Variants in NFIA observed in about 807,000 individuals in gnomAD.
The protein encoded by NFIA is nuclear factor 1 A-type.
A neutral mutation model predicts 62.8 loss-of-function variants in NFIA; 8 were observed. The ratio of observed to expected loss-of-function variants is 0.13; its 90% confidence interval spans 0.07 to 0.23. The LOEUF is 0.23. NFIA is among the 10% of genes least tolerant of loss of function. NFIA has a pLI of 1.00. For synonymous variants in NFIA, 235 were observed against 238.1 expected (o/e 0.99, Z 0.12); for missense variants, 410 against 642.1 (o/e 0.64, Z 3.91).
intron 2 of NFIA, among the ~76,000 whole-genome samples, chr1:61,107,918 C>T (rs986785516): frequency 4.0e-5 from 6 of 151,442 alleles, no homozygotes; most frequent in Non-Finnish European, 7.4e-5. Flanking sequence ...TTTCTCTATT[C>T]CCCAAATAAT....
Position 61,461,228 on chromosome 1 carries a change from G to A in NFIA, c.*5908G>A, listed in dbSNP as rs1668517642. On this transcript the variant is annotated 3_prime_UTR_variant, in exon 11 of 11. Coordinates refer to ENST00000403491, the MANE Select transcript of NFIA (RefSeq NM_001134673.4). The stretch of plus-strand genomic sequence containing the variant: ...CATTTTCTTAATGGACAATGTTCAA[G>A]CCAGGTACCCATGCTTGATCTGTCT... The A allele has an allele frequency of 6.6e-6, 1 of 152,040 alleles. No homozygotes were observed. Among genetic ancestry groups the A allele is most frequent in the African/African-American group, 2.4e-5 (1 of 41,374 alleles). 9.4% of individuals were successfully genotyped at this position (152,040 alleles called of 1,614,324 possible). A position where few individuals can be genotyped will look rare whatever the true frequency, so the allele number is the denominator to read the frequency against.
chr1:61,428,421 C>T (rs568267170), intron 10 of NFIA, among the ~76,000 whole-genome samples: 14 of 137,102 alleles, frequency 1.0e-4, no homozygotes, highest in East Asian at 4.2e-4. Context: ...AAATATTTGG[C>T]GTCATGGGGA....
intron 10 of NFIA, among the ~76,000 whole-genome samples, chr1:61,432,642 CACATATATAT>C (rs1331706317): frequency 6.6e-6 from 1 of 151,166 alleles, no homozygotes; most frequent in Non-Finnish European, 1.5e-5. Context: ...CATATATATA[CACATATATAT>C]ACATATATAT....
rs528790604 is a variant in NFIA, at chr1:61,109,411, A to AATC, written c.559+20734_559+20736dup. 3.2e-4 allele frequency among the ~76,000 whole-genome samples: 49 copies of AATC among 152,046 alleles called. 1 individual carries two copies. The South Asian group carries it at 9.9e-3, about 31-fold the overall frequency. On this transcript the variant is annotated intron_variant, in intron 2 of 10. Coordinates refer to ENST00000403491, the MANE Select transcript of NFIA (RefSeq NM_001134673.4). ...AAGATTCAGAGATACCACAATAATCAATCATAGGAACTTGTCTCAGAGTGC... is the reference window on the plus strand; with the variant it reads ...AAGATTCAGAGATACCACAATAATCAATCATCATAGGAACTTGTCTCAGAGTGC...
chr1:61,298,690 A>G (rs1047131236), intron 3 of NFIA, among the ~76,000 whole-genome samples: 9 of 152,138 alleles, frequency 5.9e-5, no homozygotes, highest in Non-Finnish European at 8.8e-5. Context: ...TAATAATACT[A>G]CCTACCTCAT....
chr1:61,140,078 C>T (rs2100504087), intron 2 of NFIA, among the ~76,000 whole-genome samples: 1 of 152,224 alleles, frequency 6.6e-6, no homozygotes, highest in East Asian at 1.9e-4. Context: ...CATGAGACCA[C>T]TCACCCCCTA....
intron 2 of NFIA, among the ~76,000 whole-genome samples, chr1:61,091,514 C>A (rs749429800): frequency 2.0e-5 from 3 of 152,106 alleles, no homozygotes; most frequent in Non-Finnish European, 2.9e-5. Flanking sequence ...TTTCATAAGC[C>A]TGAGAATTTC....
At chr1:61,278,409 GTTC>G (rs774060683) in intron 3 of NFIA, among the ~76,000 whole-genome samples, 23 of 152,106 alleles carry the variant, frequency 1.5e-4, no homozygotes, top group Non-Finnish European at 2.4e-4. Flanking sequence ...ATTCCAAAAT[GTTC>G]TTCTTTGCTG....
intron 6 of NFIA, among the ~76,000 whole-genome samples, chr1:61,380,320 G>A (rs747641430): frequency 3.9e-5 from 6 of 152,200 alleles, no homozygotes; most frequent in African/African-American, 4.8e-5. Flanking sequence ...TACTTCATCC[G>A]TAGTCTTTTT....
At chr1:61,318,621 G>A (rs2782544) in intron 3 of NFIA, among the ~76,000 whole-genome samples, 132,718 of 152,222 alleles carry the variant, frequency 0.87, 57,958 homozygotes, top group East Asian at 0.94. Context: ...ATTCCTTAAT[G>A]CTTTGTTTAT....
chr1:61,391,570 A>C (rs2100500074), intron 7 of NFIA, among the ~76,000 whole-genome samples: 1 of 152,208 alleles, frequency 6.6e-6, no homozygotes, highest in Admixed American at 6.5e-5. Context: ...GTTTTAATTA[A>C]GATCTACCTT....
chr1:61,269,948 GAC>G (rs899923189), intron 2 of NFIA, among the ~76,000 whole-genome samples: 2 of 152,286 alleles, frequency 1.3e-5, no homozygotes, highest in African/African-American at 4.8e-5. Context: ...CTGATAAACA[GAC>G]TTAACACACA....
intron 2 of NFIA, among the ~76,000 whole-genome samples, chr1:61,264,968 G>C (rs924018298): frequency 6.6e-6 from 1 of 152,170 alleles, no homozygotes; most frequent in African/African-American, 2.4e-5. Context: ...ACTGGTTACT[G>C]ATCTTTGAAA....
chr1:61,128,915 GTTTTTTTT>G (rs10635152), intron 2 of NFIA, among the ~76,000 whole-genome samples: 2 of 74,124 alleles, frequency 2.7e-5, no homozygotes, highest in African/African-American at 5.7e-5. Flanking sequence ...GCTTACTTAT[GTTTTTTTT>G]TTTTTTTTTT....
intron 4 of NFIA, among the ~76,000 whole-genome samples, chr1:61,344,267 A>T (rs751236457): frequency 2.6e-5 from 4 of 152,116 alleles, no homozygotes; most frequent in Non-Finnish European, 4.4e-5. Flanking sequence ...GTATTTTCCC[A>T]TGTTCAGTCC....
intron 3 of NFIA, among the ~76,000 whole-genome samples, chr1:61,278,216 T>C (rs1230716154): frequency 1.3e-5 from 2 of 152,218 alleles, no homozygotes; most frequent in Admixed American, 1.3e-4. Context: ...ATGAATATCA[T>C]AGTATCTGGT....
chr1:61,170,576 T>G lies in NFIA; in HGVS notation c.559+81896T>G, dbSNP rs1159073892. On this transcript the variant is annotated intron_variant, in intron 2 of 10. Coordinates refer to ENST00000403491, the MANE Select transcript of NFIA (RefSeq NM_001134673.4). The stretch of plus-strand genomic sequence containing the variant: ...TGGATGCTTAGGACTGTAACCAAAC[T>G]TGAACTCTTGCCTGGGAATATGCCC... 1.3e-5 allele frequency among the ~76,000 whole-genome samples: 2 copies of G among 152,146 alleles called. 1 individual carries two copies. The highest frequency in any genetic ancestry group is 4.1e-4 in the South Asian group (2 of 4,824).
At position 61,159,842 on chromosome 1, in the gene NFIA, C is replaced by T. The variant is rs571507329; in HGVS notation, c.559+71162C>T. Among the ~76,000 whole-genome samples, 7 of 151,898 alleles carry T rather than the reference C, an allele frequency of 4.6e-5. No individual in the cohort carries two copies. The South Asian group carries it at 6.3e-4, about 14-fold the overall frequency. Reference sequence around the variant, plus strand: ...AATTACAGGCGCCTGCCACCATGCCCGACTAATTTTTATATTTTTAGTAGA... The same window carrying T: ...AATTACAGGCGCCTGCCACCATGCCTGACTAATTTTTATATTTTTAGTAGA... On this transcript the variant is annotated intron_variant, in intron 2 of 10. Coordinates refer to ENST00000403491, the MANE Select transcript of NFIA (RefSeq NM_001134673.4).
chr1:61,449,256 A>G (rs1316307108), intron 10 of NFIA, among the ~76,000 whole-genome samples: 1 of 152,228 alleles, frequency 6.6e-6, no homozygotes, highest in Non-Finnish European at 1.5e-5. Flanking sequence ...TGGCACGAGC[A>G]TGCTAGAAGT....
Sources: allele counts gnomAD v4.1 joint callset (sites outside exome capture counted in the v4.1 genomes callset), GRCh38; gene constraint gnomAD v4.1.1; transcripts MANE v1.5; gene names NCBI Gene and HGNC (gene_info 2026-07-23, HGNC 2026-07-21).